The following KLF7 variants were observed in gnomAD, a reference collection of about 807,000 sequenced individuals.
KLF7 encodes Krueppel-like factor 7.
Under a neutral mutation model 27.3 loss-of-function variants are expected in KLF7, and 2 were observed. The ratio of observed to expected loss-of-function variants is 0.07; its 90% CI spans 0.03 to 0.23. KLF7 has a LOEUF of 0.23. KLF7 is among the 10% of genes least tolerant of loss of function. KLF7 has a pLI of 1.00. For missense variants in KLF7, 221 were observed against 394.1 expected, an observed-to-expected ratio of 0.56 and a Z score of 3.72; for synonymous variants, 165 against 162.4, an observed-to-expected ratio of 1.02 and a Z score of -0.12.
At chr2:207,102,125 T>TACACACACACACAC (rs1553522202) in intron 2 of KLF7, among the ~76,000 whole-genome samples, 4 of 121,224 alleles carry the variant, frequency 3.3e-5, no homozygotes, top group South Asian at 2.5e-4. Context: ...TACATTCACA[T>TACACACACACACAC]TCACACACAC....
intron 1 of KLF7, among the ~76,000 whole-genome samples, chr2:207,142,351 TC>T (rs1347363086): frequency 1.3e-5 from 2 of 152,154 alleles, no homozygotes; most frequent in African/African-American, 4.8e-5. Flanking sequence ...CAGGGCAGGG[TC>T]TGTTATCTTG....
At chr2:207,157,087 T>A (rs2078402918) in intron 1 of KLF7, among the ~76,000 whole-genome samples, 1 of 151,980 alleles carries the variant, frequency 6.6e-6, no homozygotes, top group Non-Finnish European at 1.5e-5. Flanking sequence ...CTCAAATAAC[T>A]ATCGAGTGCC....
At chr2:207,096,123 C>T (rs887072563) in intron 2 of KLF7, among the ~76,000 whole-genome samples, 1 of 152,142 alleles carries the variant, frequency 6.6e-6, no homozygotes, top group Non-Finnish European at 1.5e-5. Flanking sequence ...CATTCCAACC[C>T]GTGGTAGAAG....
At chr2:207,141,711 G>A (rs190387662) in intron 1 of KLF7, among the ~76,000 whole-genome samples, 107 of 152,282 alleles carry the variant, frequency 7.0e-4, no homozygotes, top group African/African-American at 2.5e-3. Flanking sequence ...GACAAGCAAA[G>A]GGCCCACAGC....
rs36091471 is a variant in KLF7, at chr2:207,095,031, C to CTTTTTTTTTTTTTTTTTT, written c.734-6468_734-6451dup. On this transcript the variant is annotated intron_variant, in intron 2 of 3. Coordinates refer to ENST00000309446, the MANE Select transcript of KLF7 (RefSeq NM_003709.4). ...AACATTTGCCCTATTTGTTTTTATT[C>CTTTTTTTTTTTTTTTTTT]TTTTTTTTTTTTTTTTTTTTTTTTT... 5.5e-4 allele frequency among the ~76,000 whole-genome samples: 45 copies of CTTTTTTTTTTTTTTTTTT among 82,418 alleles called. 1 individual carries two copies. Among genetic ancestry groups the CTTTTTTTTTTTTTTTTTT allele is most frequent in the African/African-American group, 6.2e-4 (13 of 20,880 alleles). The allele number at this position is 82,418 out of a possible 152,430, so 54.1% of individuals were successfully genotyped here.
intron 2 of KLF7, among the ~76,000 whole-genome samples, chr2:207,115,821 T>C (rs1367350369): frequency 6.6e-6 from 1 of 152,202 alleles, no homozygotes; most frequent in African/African-American, 2.4e-5. Flanking sequence ...TAATAGAAGA[T>C]TAAAGTGTTA....
intron 2 of KLF7, among the ~76,000 whole-genome samples, chr2:207,111,771 G>A (rs1479895825): frequency 1.3e-5 from 2 of 152,146 alleles, no homozygotes; most frequent in South Asian, 2.1e-4. Flanking sequence ...ACGATGAGAG[G>A]AAGCCTCGGA....
intron 3 of KLF7, among the ~76,000 whole-genome samples, chr2:207,083,695 G>T (rs983233458): frequency 1.6e-4 from 24 of 152,228 alleles, no homozygotes; most frequent in African/African-American, 5.5e-4. Flanking sequence ...AAGAATTAAA[G>T]TTGTGGATGG....
At chr2:207,084,623 T>TA (rs1251116249) in intron 3 of KLF7, among the ~76,000 whole-genome samples, 1 of 152,184 alleles carries the variant, frequency 6.6e-6, no homozygotes, top group Admixed American at 6.5e-5. Flanking sequence ...GCAAGGTACT[T>TA]AGTCATGATT....
intron 1 of KLF7, among the ~76,000 whole-genome samples, chr2:207,139,701 T>C (rs2077886292): frequency 6.6e-6 from 1 of 152,216 alleles, no homozygotes; most frequent in Non-Finnish European, 1.5e-5. Context: ...CTGGTGAGAC[T>C]GGGGCAAATA....
intron 1 of KLF7, among the ~76,000 whole-genome samples, chr2:207,142,585 C>T (rs1163237098): frequency 6.6e-6 from 1 of 152,182 alleles, no homozygotes; most frequent in African/African-American, 2.4e-5. Context: ...AGAAGGAACC[C>T]ACTCACTCTC....
intron 2 of KLF7, among the ~76,000 whole-genome samples, chr2:207,116,016 GA>G (rs1366422058): frequency 1.3e-5 from 2 of 152,050 alleles, no homozygotes; most frequent in Admixed American, 1.3e-4. Context: ...GAATGCAGAA[GA>G]AAAAAACCCC....
intron 2 of KLF7, among the ~76,000 whole-genome samples, chr2:207,114,058 T>C (rs1418406153): frequency 6.6e-6 from 1 of 152,224 alleles, no homozygotes; most frequent in Non-Finnish European, 1.5e-5. Flanking sequence ...TAAACGCTAA[T>C]ATTTACGTGC....
At chr2:207,117,315 G>A (rs2077212968) in intron 2 of KLF7, among the ~76,000 whole-genome samples, 1 of 152,180 alleles carries the variant, frequency 6.6e-6, no homozygotes, top group African/African-American at 2.4e-5. Context: ...AGATTTTACT[G>A]AATCAGAAAA....
Position 207,117,954 on chromosome 2 carries a change from T to C in KLF7, c.733+5820A>G, listed in dbSNP as rs2077233676. On this transcript the variant is annotated intron_variant, in intron 2 of 3. Coordinates refer to ENST00000309446, the MANE Select transcript of KLF7 (RefSeq NM_003709.4). ...CTGTTCTCCTTTGCTGGTCACTCCATGGTACAGTGCCTGACATCTATGGGC... is the reference window on the plus strand; with the variant it reads ...CTGTTCTCCTTTGCTGGTCACTCCACGGTACAGTGCCTGACATCTATGGGC... Among the ~76,000 whole-genome samples, 3 of 152,204 alleles carry C rather than the reference T, an allele frequency of 2.0e-5. 1 individual carries two copies. In the South Asian group the frequency reaches 6.2e-4, roughly 32 times the overall value.
At chr2:207,090,357 AC>A (rs2076483020) in intron 2 of KLF7, among the ~76,000 whole-genome samples, 1 of 152,176 alleles carries the variant, frequency 6.6e-6, no homozygotes, top group South Asian at 2.1e-4. Context: ...GTGCCACATA[AC>A]CTTTGGAGTC....
chr2:207,113,780 C>T (rs1354453842), intron 2 of KLF7, among the ~76,000 whole-genome samples: 1 of 152,074 alleles, frequency 6.6e-6, no homozygotes, highest in African/African-American at 2.4e-5. Context: ...GTTGCATTTT[C>T]CCCCTCCCCT....
chr2:207,133,747 G>T (rs959093120), intron 1 of KLF7, among the ~76,000 whole-genome samples: 2 of 152,070 alleles, frequency 1.3e-5, no homozygotes, highest in African/African-American at 4.8e-5. Context: ...GAGGGGGAGG[G>T]GGGGAGCCAT....
chr2:207,111,319 T>A (rs905509875), intron 2 of KLF7, among the ~76,000 whole-genome samples: 4 of 152,182 alleles, frequency 2.6e-5, no homozygotes, highest in Admixed American at 6.5e-5. Flanking sequence ...GGAAGGCCCA[T>A]CTGTGTGGAA....
Sources: gnomAD v4.1 joint callset for allele counts (sites outside exome capture counted in the v4.1 genomes callset) on GRCh38, gnomAD v4.1.1 for gene constraint, MANE v1.5 for transcripts, NCBI Gene and HGNC (gene_info 2026-07-23, HGNC 2026-07-21) for gene names.